NHS: variants seen among roughly 807,000 people sequenced by gnomAD.
NHS encodes the protein actin remodeling regulator NHS.
Under a neutral mutation model 72.5 loss-of-function variants are expected in NHS, and 5 were observed. The ratio of observed to expected loss-of-function variants is 0.07; its 90% CI spans 0.04 to 0.14. The LOEUF is 0.14. Among genes scored for constraint, NHS ranks in the 10% least tolerant of loss-of-function variants. The probability of loss-of-function intolerance (pLI) is 1.00; values close to 1 mark genes in which losing one functional copy is unlikely to be tolerated. For missense variants in NHS, 1,072 were observed against 1,355.7 expected (o/e 0.79, Z 3.29); for synonymous variants, 464 against 547.7 (o/e 0.85, Z 2.13).
At chrX:17,523,633 CAGAT>C (rs1348184463) in intron 1 of NHS, among the ~76,000 whole-genome samples, 2 of 111,548 alleles carry the variant, frequency 1.8e-5, no homozygotes, top group African/African-American at 6.5e-5. Flanking sequence ...AGAGGGAAAA[CAGAT>C]AGGGCGGCAT....
At chrX:17,627,040 A>C (rs964224849) in intron 1 of NHS, among the ~76,000 whole-genome samples, 5 of 112,335 alleles carry the variant, frequency 4.5e-5, no homozygotes, top group African/African-American at 1.6e-4. Context: ...CAAATGAGAA[A>C]AATGAGTTTT....
intron 2 of NHS, among the ~76,000 whole-genome samples, chrX:17,690,485 A>C (rs2066189321): frequency 8.9e-6 from 1 of 112,255 alleles, no homozygotes; most frequent in Non-Finnish European, 1.9e-5. Flanking sequence ...TGGAGGTGAG[A>C]CTGTAAGGAG....
chrX:17,574,939 C>T (rs1462604008), intron 1 of NHS, among the ~76,000 whole-genome samples: 1 of 111,838 alleles, frequency 8.9e-6, no homozygotes, highest in Admixed American at 9.4e-5. Context: ...GTTCCTAGGA[C>T]CTAGACATGA....
At chrX:17,446,349 C>A (rs772760085) in intron 1 of NHS, among the ~76,000 whole-genome samples, 2 of 111,049 alleles carry the variant, frequency 1.8e-5, no homozygotes, top group South Asian at 7.8e-4. Flanking sequence ...CCCTGTGACC[C>A]GCACGTATAC....
chrX:17,687,643 C>T, intron 1 of NHS, 99 bp from the exon 2 acceptor site: 20 of 971,140 alleles, frequency 2.1e-5, no homozygotes, highest in Non-Finnish European at 3.0e-5. Context: ...GACTTCCACT[C>T]CACCCAGACT....
intron 1 of NHS, among the ~76,000 whole-genome samples, chrX:17,522,018 T>A (rs1266192182): frequency 8.9e-6 from 1 of 112,229 alleles, no homozygotes; most frequent in Non-Finnish European, 1.9e-5. Flanking sequence ...AGCCCTTAAC[T>A]GGGTTTTGTC....
intron 1 of NHS, among the ~76,000 whole-genome samples, chrX:17,575,900 G>T (rs2065217936): frequency 8.9e-6 from 1 of 111,769 alleles, no homozygotes; most frequent in African/African-American, 3.3e-5. Flanking sequence ...GCCTGCCATT[G>T]TGTGCCCCAG....
intron 1 of NHS, among the ~76,000 whole-genome samples, chrX:17,662,229 C>A (rs1281184220): frequency 8.9e-6 from 1 of 112,086 alleles, no homozygotes; most frequent in Non-Finnish European, 1.9e-5. Flanking sequence ...CTTCCCCAAA[C>A]TTCCAATTGA....
intron 5 of NHS, among the ~76,000 whole-genome samples, chrX:17,723,300 C>T (rs990620839): frequency 8.9e-6 from 1 of 111,828 alleles, no homozygotes; most frequent in African/African-American, 3.3e-5. Context: ...GATGAGGTGA[C>T]CAAATTCCAA....
chrX:17,506,564 A>G (rs982360701), intron 1 of NHS, among the ~76,000 whole-genome samples: 2 of 107,397 alleles, frequency 1.9e-5, no homozygotes, highest in Non-Finnish European at 3.8e-5. Flanking sequence ...TAAATAAATA[A>G]ATAAGTAAAT....
rs771858398 is a variant in NHS, at chrX:17,735,701, G to T, written c.*3237G>T. 1 of 112,716 alleles carries T rather than the reference G, an allele frequency of 8.9e-6. No individual in the cohort carries two copies. 9.3% of individuals were successfully genotyped at this position (112,716 alleles called of 1,213,427 possible). ...GTACTAGAACCAGTTCATGCTGGCCGAAACGACAATGGTTTATGGACTTGC... is the reference window on the plus strand; with the variant it reads ...GTACTAGAACCAGTTCATGCTGGCCTAAACGACAATGGTTTATGGACTTGC... On this transcript the variant is annotated 3_prime_UTR_variant, in exon 9 of 9. Transcript: ENST00000676302.
chrX:17,619,475 A>G (rs1332407602), intron 1 of NHS, among the ~76,000 whole-genome samples: 1 of 112,467 alleles, frequency 8.9e-6, no homozygotes, highest in Non-Finnish European at 1.9e-5. Flanking sequence ...CCTCATACAC[A>G]TTCTACAAGT....
chrX:17,465,985 C>T (rs1043376833), intron 1 of NHS, among the ~76,000 whole-genome samples: 7 of 113,120 alleles, frequency 6.2e-5, no homozygotes, highest in African/African-American at 2.2e-4. Context: ...TGGTGATTAG[C>T]TGGGACACTG....
At chrX:17,462,121 G>A (rs1601716891) in intron 1 of NHS, among the ~76,000 whole-genome samples, 1 of 111,378 alleles carries the variant, frequency 9.0e-6, no homozygotes, top group African/African-American at 3.3e-5. Context: ...GGATGAATTT[G>A]TGGCCATTTA....
At chrX:17,478,019 G>T (rs7473187) in intron 1 of NHS, among the ~76,000 whole-genome samples, 1,130 of 111,813 alleles carry the variant, frequency 0.01, 16 homozygotes, top group African/African-American at 0.035. Flanking sequence ...GATATGCCAC[G>T]TTCACTTTAG....
intron 1 of NHS, among the ~76,000 whole-genome samples, chrX:17,417,172 A>G (rs945802094): frequency 9.0e-6 from 1 of 110,692 alleles, no homozygotes; most frequent in African/African-American, 3.3e-5. Flanking sequence ...AAATTGAAGT[A>G]TTGCATACCA....
At chrX:17,482,477 G>A (rs772390075) in intron 1 of NHS, among the ~76,000 whole-genome samples, 22 of 112,332 alleles carry the variant, frequency 2.0e-4, no homozygotes, top group Non-Finnish European at 2.6e-4. Flanking sequence ...CTCTGGCCTC[G>A]AGGAATCTTC....
At chrX:17,673,696 A>T (rs1458696694) in intron 1 of NHS, among the ~76,000 whole-genome samples, 1 of 111,799 alleles carries the variant, frequency 8.9e-6, no homozygotes, top group Non-Finnish European at 1.9e-5. Context: ...GCCACAGTGA[A>T]CTACTCCTGG....
intron 1 of NHS, among the ~76,000 whole-genome samples, chrX:17,538,011 C>T (rs2065237753): frequency 8.9e-6 from 1 of 112,012 alleles, no homozygotes; most frequent in Non-Finnish European, 1.9e-5. Flanking sequence ...CTCAGCCTGG[C>T]TGTGGAGGCC....
Sources: gnomAD v4.1 joint callset for allele counts (sites outside exome capture counted in the v4.1 genomes callset) on GRCh38, gnomAD v4.1.1 for gene constraint, MANE v1.5 for transcripts, NCBI Gene and HGNC (gene_info 2026-07-23, HGNC 2026-07-21) for gene names.